DAP3: variants seen among roughly 807,000 people sequenced by gnomAD.
DAP3 encodes death associated protein 3, also known as small ribosomal subunit protein mS29.
In DAP3, 28 loss-of-function variants were observed where a neutral mutation model predicts 51.9. The ratio of observed to expected loss-of-function variants is 0.54; its 90% confidence interval spans 0.40 to 0.74. The LOEUF (loss-of-function observed/expected upper bound fraction) is 0.74, where lower values mean the gene tolerates loss of function less well. DAP3 is among the 30% of genes least tolerant of loss of function. The pLI, the probability that DAP3 is intolerant of heterozygous loss-of-function variation, is 0.00. For missense variants in DAP3, 458 were observed against 483.5 expected, an observed-to-expected ratio of 0.95 and a Z score of 0.49; for synonymous variants, 170 against 170.3, an observed-to-expected ratio of 1.00 and a Z score of 0.01.
intron 4 of DAP3, among the ~76,000 whole-genome samples, chr1:155,724,363 C>T (rs960483861): frequency 6.6e-6 from 1 of 152,020 alleles, no homozygotes; most frequent in African/African-American, 2.4e-5. Context: ...AGGCCAGGTG[C>T]GGTGGCTCAC....
chr1:155,716,859 A>G (rs1386723484), intron 2 of DAP3, 147 bp from the exon 3 acceptor site: 1 of 1,108,306 alleles, frequency 9.0e-7, no homozygotes, highest in Admixed American at 2.9e-5. Context: ...AGGCAGGAGA[A>G]TCACTTGAAC....
At chr1:155,688,812 G>C, upstream of DAP3, 1 of 1,562,750 alleles carries the variant, frequency 6.4e-7, no homozygotes, top group Non-Finnish European at 8.7e-7. Context: ...CCCCACCGCG[G>C]GACTGTTCCA....
intron 11 of DAP3, among the ~76,000 whole-genome samples, chr1:155,735,009 A>G (rs752578712): frequency 2.0e-5 from 3 of 151,904 alleles, no homozygotes; most frequent in Admixed American, 6.6e-5. Flanking sequence ...TCATGCCTAT[A>G]ATCCCAGCAC....
At chr1:155,688,759 A>G, upstream of DAP3, 7 of 1,490,238 alleles carry the variant, frequency 4.7e-6, no homozygotes, top group Non-Finnish European at 6.2e-6. Context: ...AGCCGCCGCC[A>G]GCACCCCCAC....
At chr1:155,692,507 A>C (rs1653968306) in intron 1 of DAP3, among the ~76,000 whole-genome samples, 1 of 142,082 alleles carries the variant, frequency 7.0e-6, no homozygotes, top group Non-Finnish European at 1.5e-5. Context: ...ATTAAAGCAA[A>C]ATTTGCGATA....
At position 155,732,010 on chromosome 1, in the gene DAP3, C is replaced by A; in HGVS notation, c.970C>A (p.Leu324Met). Reference protein sequence around the residue: ...GSLFKPRKAYLPQELLGKEGF... With the variant: ...GSLFKPRKAYMPQELLGKEGF... ...TCTCTTTAAGCCCCGGAAAGCCTAT[C>A]TGCCCCAGGAGTTGCTGGGAAAGGT... Residue 324 changes from leucine to methionine, a missense_variant, in exon 11 of 13, where the codon CTG becomes ATG. Coordinates refer to ENST00000368336, the MANE Select transcript of DAP3 (RefSeq NM_004632.4). The A allele has an allele frequency of 6.2e-7, 1 of 1,611,922 alleles. No homozygotes were observed. Among genetic ancestry groups the A allele is most frequent in the Non-Finnish European group, 8.5e-7 (1 of 1,178,988 alleles).
Position 155,729,332 on chromosome 1 carries a change from G to A in DAP3, c.809G>A (p.Gly270Glu), listed in dbSNP as rs1658956781. The stretch of plus-strand genomic sequence containing the variant: ...GTGGATGGAATCAATGCTCTTTGGG[G>A]AAGAACCACTCTGAAAAGAGAAGAT... ...VAVDGINALW[G>E]RTTLKREDKS... The change falls in exon 9 of 13, where the codon GGA (glycine) becomes GAA (glutamate). Residue 270 changes from glycine to glutamate, a missense_variant. By Grantham distance (98) the Gly-to-Glu change is moderately conservative. Coordinates refer to ENST00000368336, the MANE Select transcript of DAP3 (RefSeq NM_004632.4). 1 of 1,614,144 alleles carries A rather than the reference G, an allele frequency of 6.2e-7. No individual in the cohort carries two copies. The highest frequency in any genetic ancestry group is 1.1e-5 in the South Asian group (1 of 91,068).
At chr1:155,731,275 A>AG (rs1659217474) in intron 9 of DAP3, 81 bp from the exon 10 acceptor site, 1 of 1,488,080 alleles carries the variant, frequency 6.7e-7, no homozygotes, top group East Asian at 2.3e-5. Flanking sequence ...AAAAAAAAAA[A>AG]AAAATTGTTG....
At chr1:155,694,178 C>T (rs751895712) in intron 1 of DAP3, among the ~76,000 whole-genome samples, 3 of 141,072 alleles carry the variant, frequency 2.1e-5, no homozygotes, top group Non-Finnish European at 4.4e-5. Context: ...CAATGTTGTC[C>T]GTAGCCTTTT....
chr1:155,725,495 C>T lies in DAP3; in HGVS notation c.379+5C>T. The T allele has an allele frequency of 6.2e-7, 1 of 1,609,302 alleles. No homozygotes were observed. On this transcript the variant is annotated splice_donor_5th_base_variant and intron_variant, in intron 5 of 12. Coordinates refer to ENST00000368336, the MANE Select transcript of DAP3 (RefSeq NM_004632.4). ...CAGCTATACGATATCTTCTGTGTAT[C>T]CTTTCCTGCCTGCGTGGACCCTCAT...
Position 155,729,119 on chromosome 1 carries a change from A to G in DAP3, c.681A>G (p.Glu227=). The change falls in exon 8 of 13, where the codon GAA becomes GAG. Residue 227 remains glutamate, a synonymous_variant. Transcript: ENST00000368336. ...EKGSPLGEVV[E]QGITRVRNAT... is the part of the protein sequence containing the mutation. ...GGAGTCCTCTGGGAGAAGTGGTTGA[A>G]CAGGTATAAGAAAAAACACTGAATG... is the stretch of plus-strand genomic sequence containing the variant. 1 of 1,614,218 alleles carries G rather than the reference A, an allele frequency of 6.2e-7. No individual in the cohort carries two copies. Among genetic ancestry groups the G allele is most frequent in the Middle Eastern group, 1.6e-4 (1 of 6,062 alleles).
At chr1:155,737,122 T>G in intron 12 of DAP3, 59 bp downstream of exon 12, 1 of 1,226,170 alleles carries the variant, frequency 8.2e-7, no homozygotes, top group Non-Finnish European at 1.2e-6. Context: ...TCCCACTCAG[T>G]CAGAGCCTTG....
intron 2 of DAP3, among the ~76,000 whole-genome samples, chr1:155,711,645 C>T (rs470937): frequency 1.1e-4 from 16 of 150,994 alleles, no homozygotes; most frequent in Admixed American, 4.0e-4. Context: ...TCTACAGGGA[C>T]AGCACTAATA....
chr1:155,699,976 C>T (rs1038261547), intron 1 of DAP3, among the ~76,000 whole-genome samples: 14 of 149,892 alleles, frequency 9.3e-5, no homozygotes, highest in East Asian at 2.0e-4. Flanking sequence ...CTCGCTCTGT[C>T]GCCAGGCTGG....
chr1:155,688,324 G>A (rs779155025), upstream of DAP3: 10 of 1,548,800 alleles, frequency 6.5e-6, no homozygotes, highest in African/African-American at 1.4e-5. Flanking sequence ...CAAAATGGCG[G>A]CGGCAGCGGC....
chr1:155,693,734 G>A (rs532826637), intron 1 of DAP3, among the ~76,000 whole-genome samples: 1 of 141,906 alleles, frequency 7.0e-6, no homozygotes, highest in South Asian at 2.1e-4. Flanking sequence ...GGCCGAGGCC[G>A]GCAGATCACC....
intron 1 of DAP3, among the ~76,000 whole-genome samples, chr1:155,690,783 A>T (rs1653691702): frequency 7.0e-6 from 1 of 142,194 alleles, no homozygotes; most frequent in Non-Finnish European, 1.5e-5. Flanking sequence ...TATGTCGCCA[A>T]GGCTGGAAGG....
At chr1:155,688,876 T>G, upstream of DAP3, 1 of 1,609,856 alleles carries the variant, frequency 6.2e-7, no homozygotes, top group Non-Finnish European at 8.5e-7. Flanking sequence ...CGAGTCTGGC[T>G]TGCCGTTTGA....
At chr1:155,714,004 G>A (rs1341748595) in intron 2 of DAP3, among the ~76,000 whole-genome samples, 1 of 152,160 alleles carries the variant, frequency 6.6e-6, no homozygotes, top group East Asian at 1.9e-4. Context: ...TTTCACTGAG[G>A]ATGTGACATT....
Sources: allele counts gnomAD v4.1 joint callset (sites outside exome capture counted in the v4.1 genomes callset), GRCh38; gene constraint gnomAD v4.1.1; transcripts MANE v1.5; gene names NCBI Gene and HGNC (gene_info 2026-07-23, HGNC 2026-07-21).